The following PLEKHG1 variants were observed in gnomAD, a reference collection of about 807,000 sequenced individuals.
PLEKHG1 encodes pleckstrin homology and RhoGEF domain containing G1.
A neutral mutation model predicts 100.8 loss-of-function variants in PLEKHG1; 44 were observed. The ratio of observed to expected loss-of-function variants is 0.44; its 90% confidence interval spans 0.34 to 0.56. PLEKHG1 has a LOEUF of 0.56. Among genes scored for constraint, PLEKHG1 ranks in the 20% least tolerant of loss-of-function variants. The pLI is 0.01. For missense variants in PLEKHG1, 1,545 were observed against 1,720.9 expected (o/e 0.90, Z 1.81); for synonymous variants, 640 against 662.5 (o/e 0.97, Z 0.52).
chr6:150,647,016 T>C (rs1381235945), intron 2 of PLEKHG1, among the ~76,000 whole-genome samples: 1 of 152,252 alleles, frequency 6.6e-6, no homozygotes, highest in Non-Finnish European at 1.5e-5. Flanking sequence ...ACAAAGTTCA[T>C]GTGTTTTACT....
At chr6:150,826,382 C>T (rs923642011) in intron 14 of PLEKHG1, among the ~76,000 whole-genome samples, 11 of 152,066 alleles carry the variant, frequency 7.2e-5, no homozygotes, top group Admixed American at 5.2e-4. Flanking sequence ...CACTTGAACC[C>T]GGGAGGTTGA....
chr6:150,602,074 A>C (rs1356709368), intron 1 of PLEKHG1, among the ~76,000 whole-genome samples: 1 of 152,232 alleles, frequency 6.6e-6, no homozygotes, highest in Non-Finnish European at 1.5e-5. Context: ...CTTTGCGGAT[A>C]TGATTTTTCA....
At chr6:150,663,938 T>C (rs1033239574) in intron 3 of PLEKHG1, 1 of 152,214 alleles carries the variant, frequency 6.6e-6, no homozygotes, top group Non-Finnish European at 1.5e-5. Flanking sequence ...TATATTTTCA[T>C]TGGTACTTTA....
At position 150,805,100 on chromosome 6, in the gene PLEKHG1, C is replaced by T. The variant is rs193220013; in HGVS notation, c.912+359C>T. On this transcript the variant is annotated intron_variant, in intron 7 of 15. Transcript: ENST00000358517. ...ACAGGCATGTGCCACCACGGCCTGCCAATTTTGTATTTTTAGTAGAGACAG... is the reference window on the plus strand; with the variant it reads ...ACAGGCATGTGCCACCACGGCCTGCTAATTTTGTATTTTTAGTAGAGACAG... Among the ~76,000 whole-genome samples, 6 of 151,958 alleles carry T rather than the reference C, an allele frequency of 3.9e-5. No homozygotes were observed. In the East Asian group the frequency reaches 1.2e-3, roughly 29 times the overall value.
At chr6:150,676,451 A>G (rs1270303127) in intron 3 of PLEKHG1, among the ~76,000 whole-genome samples, 1 of 152,252 alleles carries the variant, frequency 6.6e-6, no homozygotes, top group Non-Finnish European at 1.5e-5. Context: ...GGTTATATTC[A>G]TGCATTACTG....
At chr6:150,720,503 G>A (rs951917032), upstream of PLEKHG1, among the ~76,000 whole-genome samples, 7 of 152,250 alleles carry the variant, frequency 4.6e-5, no homozygotes, top group Non-Finnish European at 7.4e-5. Flanking sequence ...TTTTTTAAAT[G>A]TCAGCCTTAA....
At chr6:150,827,947 T>C in intron 14 of PLEKHG1, 6 of 1,610,610 alleles carry the variant, frequency 3.7e-6, no homozygotes, top group Admixed American at 1.7e-5. Flanking sequence ...GGAAAAGTTT[T>C]GGAGATCTCA....
Position 150,819,783 on chromosome 6 carries a change from G to C in PLEKHG1, c.1408+9G>C, listed in dbSNP as rs915966566. 2 of 1,500,214 alleles carry C rather than the reference G, an allele frequency of 1.3e-6. No homozygotes were observed. The highest frequency in any genetic ancestry group is 1.9e-6 in the Non-Finnish European group (2 of 1,077,834). 92.9% of individuals were successfully genotyped at this position (1,500,214 alleles called of 1,614,324 possible). A position where few individuals can be genotyped will look rare whatever the true frequency, so the allele number is the denominator to read the frequency against. On this transcript the variant is annotated intron_variant, in intron 12 of 15. Coordinates refer to ENST00000358517, the Ensembl canonical transcript of PLEKHG1. ...GCTGAGAAGAAAATCTGGTAAGTAA[G>C]ATGTTGTCATAAAAATTTAATTCTA...
At chr6:150,760,333 G>A (rs1784083805) in intron 2 of PLEKHG1, among the ~76,000 whole-genome samples, 1 of 152,126 alleles carries the variant, frequency 6.6e-6, no homozygotes, top group Non-Finnish European at 1.5e-5. Flanking sequence ...CCTGGGACCT[G>A]GAGAGTAAAA....
intron 15 of PLEKHG1, among the ~76,000 whole-genome samples, chr6:150,836,022 C>T (rs803405): frequency 0.3 from 46,234 of 152,162 alleles, 7,713 homozygotes; most frequent in Non-Finnish European, 0.38. Flanking sequence ...ATTTCCAGGC[C>T]ACCTTTCCAC....
chr6:150,612,598 G>A (rs1776900759), intron 1 of PLEKHG1, among the ~76,000 whole-genome samples: 1 of 152,158 alleles, frequency 6.6e-6, no homozygotes, highest in Admixed American at 6.5e-5. Context: ...TTCCCAAAGT[G>A]TTGGGATTAC....
chr6:150,604,697 A>G (rs748531156), intron 1 of PLEKHG1, among the ~76,000 whole-genome samples: 1 of 152,224 alleles, frequency 6.6e-6, no homozygotes, highest in African/African-American at 2.4e-5. Flanking sequence ...TTTATATTTT[A>G]TCTTTGCCCT....
intron 14 of PLEKHG1, among the ~76,000 whole-genome samples, chr6:150,825,350 CAG>C (rs1776537468): frequency 6.6e-6 from 1 of 152,018 alleles, no homozygotes; most frequent in Non-Finnish European, 1.5e-5. Flanking sequence ...CCAAGGTTGG[CAG>C]ATCACTTTGA....
intron 2 of PLEKHG1, among the ~76,000 whole-genome samples, chr6:150,753,689 G>A (rs539386694): frequency 7.2e-5 from 11 of 152,282 alleles, no homozygotes; most frequent in Admixed American, 6.5e-4. Context: ...TTAGAGAAGC[G>A]TTTCTTGTGC....
At chr6:150,784,777 G>GA (rs955995285) in intron 3 of PLEKHG1, among the ~76,000 whole-genome samples, 113 of 152,132 alleles carry the variant, frequency 7.4e-4, no homozygotes, top group African/African-American at 2.5e-3. Context: ...AAAAAAAAGA[G>GA]AAACAATTTT....
chr6:150,632,049 G>A (rs775625952), intron 1 of PLEKHG1, among the ~76,000 whole-genome samples: 11 of 152,170 alleles, frequency 7.2e-5, no homozygotes, highest in South Asian at 2.1e-4. Context: ...CAACAAGCAC[G>A]CGGCATTTGG....
chr6:150,696,603 A>G (rs1165191273), intron 3 of PLEKHG1, among the ~76,000 whole-genome samples: 1 of 152,198 alleles, frequency 6.6e-6, no homozygotes, highest in East Asian at 1.9e-4. Flanking sequence ...CAGCAGCTCC[A>G]TGCAAACTGC....
intron 3 of PLEKHG1, among the ~76,000 whole-genome samples, chr6:150,779,016 G>A (rs559561142): frequency 2.5e-4 from 38 of 152,292 alleles, no homozygotes; most frequent in African/African-American, 9.1e-4. Context: ...CTAAGAGAGT[G>A]CAGGACTGGG....
At chr6:150,698,381 C>A (rs1445353265) in intron 3 of PLEKHG1, among the ~76,000 whole-genome samples, 1 of 152,096 alleles carries the variant, frequency 6.6e-6, no homozygotes, top group African/African-American at 2.4e-5. Flanking sequence ...CAGGTTATAT[C>A]AATTTTGAAA....
Sources: gnomAD v4.1 joint callset for allele counts (sites outside exome capture counted in the v4.1 genomes callset) on GRCh38, gnomAD v4.1.1 for gene constraint, MANE v1.5 for transcripts, NCBI Gene and HGNC (gene_info 2026-07-23, HGNC 2026-07-21) for gene names.